Variants in AVEN observed in about 807,000 individuals in gnomAD.
AVEN encodes the protein apoptosis and caspase activation inhibitor.
In AVEN, 41 loss-of-function variants were observed where a neutral mutation model predicts 38.1. The observed-to-expected ratio is 1.08, with a 90% CI of 0.84 to 1.40. AVEN has a LOEUF of 1.40. Ranked by LOEUF, AVEN falls within the 40% of genes most tolerant of loss-of-function variation. AVEN has a pLI of 0.00. For synonymous variants in AVEN, 206 were observed against 171.8 expected, an observed-to-expected ratio of 1.20 and a Z score of -1.56; for missense variants, 605 against 438.8, an observed-to-expected ratio of 1.38 and a Z score of -3.38.
intron 2 of AVEN, among the ~76,000 whole-genome samples, chr15:33,927,879 G>C (rs963714694): frequency 7.9e-5 from 12 of 152,134 alleles, no homozygotes; most frequent in African/African-American, 2.9e-4. Flanking sequence ...TGTGGTTTCT[G>C]TAGTGCTGGC....
chr15:33,974,905 G>T (rs1185575960), intron 2 of AVEN, among the ~76,000 whole-genome samples: 2 of 152,196 alleles, frequency 1.3e-5, no homozygotes, highest in Non-Finnish European at 2.9e-5. Context: ...CCAGGAGGTG[G>T]AGCTTGCAGT....
chr15:33,866,562 C>T lies in AVEN; in HGVS notation c.*51G>A. ...TCCTGAAGGACAGCCTTATGCCCAC[C>T]TGCCGTTAGAAGGCAACCAAGATTT... On this transcript the variant is annotated 3_prime_UTR_variant, in exon 6 of 6. Coordinates refer to ENST00000306730, the MANE Select transcript of AVEN (RefSeq NM_020371.3). 1 of 1,410,840 alleles carries T rather than the reference C, an allele frequency of 7.1e-7. No individual in the cohort carries two copies. The highest frequency in any genetic ancestry group is 1.2e-5 in the South Asian group (1 of 85,358). The allele number at this position is 1,410,840 out of a possible 1,614,324, so 87.4% of individuals were successfully genotyped here. A position where few individuals can be genotyped will look rare whatever the true frequency, so the allele number is the denominator to read the frequency against.
intron 2 of AVEN, among the ~76,000 whole-genome samples, chr15:33,901,914 T>A (rs1400236754): frequency 1.3e-5 from 2 of 152,234 alleles, no homozygotes; most frequent in African/African-American, 4.8e-5. Context: ...CTTAAAAATG[T>A]AACCTCTTAT....
intron 2 of AVEN, among the ~76,000 whole-genome samples, chr15:33,941,367 T>C (rs1221705962): frequency 6.6e-6 from 1 of 152,208 alleles, no homozygotes; most frequent in African/African-American, 2.4e-5. Context: ...TAAATATTAA[T>C]TTTCCAACAT....
upstream of AVEN, among the ~76,000 whole-genome samples, chr15:34,041,328 G>A (rs1597382278): frequency 6.6e-6 from 1 of 152,120 alleles, no homozygotes; most frequent in South Asian, 2.1e-4. Context: ...TATCTAAGGA[G>A]CTACCGATGT....
intron 11 of AVEN, chr15:33,861,225 A>G: frequency 1.4e-6 from 2 of 1,382,330 alleles, no homozygotes; most frequent in Non-Finnish European, 2.0e-6. Context: ...TAGCGTAAAT[A>G]AAGCCAATTA....
intron 2 of AVEN, among the ~76,000 whole-genome samples, chr15:33,975,855 G>C (rs1022679792): frequency 6.6e-6 from 1 of 152,132 alleles, no homozygotes; most frequent in African/African-American, 2.4e-5. Flanking sequence ...CCTTGAACCC[G>C]GGCAGCGGAG....
At position 33,897,853 on chromosome 15, in the gene AVEN, G is replaced by A. The variant is rs1291338409; in HGVS notation, c.446-21858C>T. On this transcript the variant is annotated intron_variant, in intron 2 of 5. Coordinates refer to ENST00000306730, the MANE Select transcript of AVEN (RefSeq NM_020371.3). ...GTTATGATTGTGCCACTGCACTCCAGCCTGGGTGACAAAGACTCTGTATCT... is the reference window on the plus strand; with the variant it reads ...GTTATGATTGTGCCACTGCACTCCAACCTGGGTGACAAAGACTCTGTATCT... 2.6e-5 allele frequency among the ~76,000 whole-genome samples: 4 copies of A among 152,006 alleles called. No individual in the cohort carries two copies. The South Asian group carries it at 6.2e-4, about 24-fold the overall frequency.
At chr15:34,009,024 A>G (rs1897513493) in intron 1 of AVEN, among the ~76,000 whole-genome samples, 2 of 152,078 alleles carry the variant, frequency 1.3e-5, no homozygotes. Flanking sequence ...AAACCAACTC[A>G]TCACAAGGCA....
At chr15:33,981,270 A>ATTATCTTT (rs1313140447) in intron 2 of AVEN, among the ~76,000 whole-genome samples, 25 of 152,204 alleles carry the variant, frequency 1.6e-4, no homozygotes, top group African/African-American at 5.5e-4. Flanking sequence ...ATAACACATA[A>ATTATCTTT]TTATCTTTTT....
chr15:33,882,085 ACTGT>A (rs1891508675), intron 2 of AVEN, among the ~76,000 whole-genome samples: 1 of 152,138 alleles, frequency 6.6e-6, no homozygotes, highest in African/African-American at 2.4e-5. Flanking sequence ...AGTAAAGACA[ACTGT>A]CTGACTTACA....
rs944531502 is a variant in AVEN, at chr15:33,892,105, A to C, written c.446-16110T>G. ...TTTTTCTTGTAAATTTGTTTGAGTT[A>C]TTTGTAGATTCTGGATATTAGCCCT... On this transcript the variant is annotated intron_variant, in intron 2 of 5. Coordinates refer to ENST00000306730, the MANE Select transcript of AVEN (RefSeq NM_020371.3). Among the ~76,000 whole-genome samples the C allele has an allele frequency of 2.0e-5, 3 of 151,942 alleles. No individual in the cohort carries two copies. The East Asian group carries it at 5.8e-4, about 29-fold the overall frequency.
chr15:34,031,543 G>A (rs1898825488), intron 1 of AVEN, among the ~76,000 whole-genome samples: 1 of 152,114 alleles, frequency 6.6e-6, no homozygotes, highest in Admixed American at 6.6e-5. Context: ...AAGAAATATG[G>A]ATCAGACAGA....
In AVEN at chr15:34,018,737, C is replaced by T. The variant is rs547209660; in HGVS notation, c.268-15528G>A. On this transcript the variant is annotated intron_variant, in intron 1 of 5. Coordinates refer to ENST00000306730, the MANE Select transcript of AVEN (RefSeq NM_020371.3). ...TTATTCCCTTATTTGGCCCTGCCCA[C>T]GTCCTACTGATTGGTCCATTTTACA... Among the ~76,000 whole-genome samples the T allele has an allele frequency of 3.7e-3, 571 of 152,334 alleles. 2 individuals carry two copies. The highest frequency in any genetic ancestry group is 6.1e-3 in the Non-Finnish European group (416 of 68,020).
At chr15:34,026,134 T>A (rs2568539) in intron 1 of AVEN, among the ~76,000 whole-genome samples, 24,506 of 152,178 alleles carry the variant, frequency 0.16, 3,016 homozygotes, top group African/African-American at 0.34. Flanking sequence ...CTTCTACCCT[T>A]TTCAGAGTTT....
intron 2 of AVEN, among the ~76,000 whole-genome samples, chr15:33,947,481 C>G (rs947182823): frequency 9.2e-5 from 14 of 152,130 alleles, no homozygotes; most frequent in African/African-American, 3.4e-4. Flanking sequence ...AGTCATCCCA[C>G]CATATAGGAG....
chr15:33,925,640 C>G (rs1893580651), intron 2 of AVEN, among the ~76,000 whole-genome samples: 1 of 152,144 alleles, frequency 6.6e-6, no homozygotes, highest in African/African-American at 2.4e-5. Flanking sequence ...AGAGCTGATA[C>G]TACTAACTAG....
chr15:33,887,007 G>C (rs1165934833), intron 2 of AVEN, among the ~76,000 whole-genome samples: 1 of 152,182 alleles, frequency 6.6e-6, no homozygotes, highest in Non-Finnish European at 1.5e-5. Context: ...ATCAATTAAG[G>C]TTTTCTAGAA....
chr15:34,049,532 TTA>T (rs956551059), intron 5 of AVEN, among the ~76,000 whole-genome samples: 5 of 152,038 alleles, frequency 3.3e-5, no homozygotes, highest in Admixed American at 6.5e-5. Context: ...GATCATGGGA[TTA>T]TGTAAAGCAA....
Sources: allele counts gnomAD v4.1 joint callset (sites outside exome capture counted in the v4.1 genomes callset), GRCh38; gene constraint gnomAD v4.1.1; transcripts MANE v1.5; gene names NCBI Gene and HGNC (gene_info 2026-07-23, HGNC 2026-07-21).